The following DDR1 variants were observed in gnomAD, a reference collection of about 807,000 sequenced individuals.
The protein encoded by DDR1 is epithelial discoidin domain-containing receptor 1.
DDR1 carries 64 observed loss-of-function variants against 97.4 expected under a neutral mutation model. That is an observed-to-expected ratio of 0.66 (90% CI 0.54 to 0.81). The LOEUF is 0.81. Among genes scored for constraint, DDR1 ranks in the 30% least tolerant of loss-of-function variants. DDR1 has a pLI of 0.00. For synonymous variants in DDR1, 458 were observed against 503.7 expected, an observed-to-expected ratio of 0.91 and a Z score of 1.21; for missense variants, 990 against 1,259.6, an observed-to-expected ratio of 0.79 and a Z score of 3.24.
rs1791558547 is a variant in DDR1 at position 30,897,999 on chromosome 6, T to C, written c.2217-74T>C. 2.5e-6 allele frequency: 3 copies of C among 1,196,378 alleles called. No individual in the cohort carries two copies. The highest frequency in any genetic ancestry group is 3.6e-6 in the Non-Finnish European group (3 of 822,986). The allele number at this position is 1,196,378 out of a possible 1,614,324, so 74.1% of individuals were successfully genotyped here. ...AGCCAGAGTGACCGGGCCCGGGGAG[T>C]GGGCTCTCTCTCCTCTCCTGGATGG... On this transcript the variant is annotated intron_variant, in intron 15 of 17. Coordinates refer to ENST00000376568, the MANE Select transcript of DDR1 (RefSeq NM_001297654.2). This position sits in a 1 kb window ranked among gnomAD's most constrained non-coding sequence, Gnocchi z 5.2.
At chr6:30,892,941 T>C in intron 8 of DDR1, 127 bp from the exon 9 acceptor site, 1 of 816,870 alleles carries the variant, frequency 1.2e-6, no homozygotes, top group Admixed American at 2.5e-5. Flanking sequence ...CAGCCCCCAC[T>C]GGTCAGTGGT....
rs976566969 is a variant in DDR1, at chr6:30,898,978, C to T, written c.2542C>T (p.Leu848Phe). Reference protein sequence around the residue: ...MLCRAQPFGQLTDEQVIENAG... With the variant: ...MLCRAQPFGQFTDEQVIENAG... ...CTGTAGGGCCCAGCCCTTTGGGCAG[C>T]TCACCGACGAGCAGGTCATCGAGAA... Residue 848 changes from leucine to phenylalanine, a missense_variant, in exon 17 of 18, where the codon CTC (leucine) becomes TTC (phenylalanine). By Grantham distance (22) the Leu-to-Phe change is conservative (BLOSUM62 0). Transcript: ENST00000376568. 6.2e-7 allele frequency: 1 copy of T among 1,614,170 alleles called. No individual in the cohort carries two copies. The highest frequency in any genetic ancestry group is 1.1e-5 in the South Asian group (1 of 91,084).
intron 12 of DDR1, 70 bp from the exon 13 acceptor site, chr6:30,896,551 G>A (rs1790834057): frequency 2.6e-6 from 4 of 1,538,036 alleles, no homozygotes; most frequent in East Asian, 4.6e-5. Context: ...GGAGGCTGAG[G>A]TGTGGGGAAC....
At position 30,889,582 on chromosome 6, in the gene DDR1, C is replaced by T. The variant is rs1787251445; in HGVS notation, c.417+152C>T. On this transcript the variant is annotated intron_variant, in intron 4 of 17. Transcript: ENST00000376568. This position sits in a 1 kb window ranked among gnomAD's most constrained non-coding sequence, Gnocchi z 4.9. Reference sequence around the variant, plus strand: ...GCTCCAAACAATATTGTAAACCTGGCCACCTTTTGGATTTCTCCACTTAGA... The same window carrying T: ...GCTCCAAACAATATTGTAAACCTGGTCACCTTTTGGATTTCTCCACTTAGA... 4 of 562,898 alleles carry T rather than the reference C, an allele frequency of 7.1e-6. No individual in the cohort carries two copies. Among genetic ancestry groups the T allele is most frequent in the Admixed American group, 7.4e-5 (2 of 26,852 alleles). 34.9% of individuals were successfully genotyped at this position (562,898 alleles called of 1,614,324 possible).
At position 30,895,419 on chromosome 6, in the gene DDR1, A is replaced by G. The variant is rs200617695; in HGVS notation, c.1529A>G (p.Asn510Ser). The G allele has an allele frequency of 8.9e-5, 144 of 1,609,550 alleles. No individual in the cohort carries two copies. Among genetic ancestry groups the G allele is most frequent in the Middle Eastern group, 1.7e-4 (1 of 6,054 alleles). ...CTCCCGACAGCGTTGCTGCTCTCCA[A>G]TCCAGCCTACCGCCTCCTTCTGGCC... ...VPNGSALLLS[N>S]PAYRLLLATY... Residue 510 changes from asparagine to serine, a missense_variant, in exon 12 of 18, where the codon AAT becomes AGT. Transcript: ENST00000376568.
intron 16 of DDR1, 50 bp downstream of exon 16, chr6:30,898,357 C>A (rs759825784): frequency 1.3e-4 from 172 of 1,346,194 alleles, no homozygotes; most frequent in South Asian, 2.8e-4. Flanking sequence ...TGGGAGAACA[C>A]TGGCCGCCAC....
chr6:30,885,455 C>A, intron 1 of DDR1: 2 of 858,250 alleles, frequency 2.3e-6, no homozygotes, highest in Non-Finnish European at 3.5e-6. Flanking sequence ...TCCCACCCAG[C>A]GCCCACCTGT....
rs371228785 is a variant in DDR1, at chr6:30,899,185, G to C, written c.2631G>C (p.Pro877=). ...QVYLSRPPAC[P]QGLYELMLRC... is the part of the protein sequence containing the mutation. The stretch of plus-strand genomic sequence containing the variant: ...ACCTGTCCCGGCCGCCTGCCTGCCC[G>C]CAGGGCCTATATGAGCTGATGCTTC... Residue 877 remains proline (P), a synonymous_variant, in exon 18 of 18, where the codon CCG becomes CCC. Coordinates refer to ENST00000376568, the MANE Select transcript of DDR1 (RefSeq NM_001297654.2). The C allele has an allele frequency of 6.2e-7, 1 of 1,614,232 alleles. No homozygotes were observed. The highest frequency in any genetic ancestry group is 8.5e-7 in the Non-Finnish European group (1 of 1,180,038).
chr6:30,883,690 T>TC (rs1784701205), upstream of DDR1: 1 of 151,862 alleles, frequency 6.6e-6, no homozygotes, highest in South Asian at 2.1e-4. This position sits in a 1 kb window ranked among gnomAD's most constrained non-coding sequence, Gnocchi z 4.9. Context: ...GACTCCTGAG[T>TC]CCCCCTCCCA....
chr6:30,886,232 C>G lies in DDR1; in HGVS notation c.-43+1522C>G, dbSNP rs778116062. On this transcript the variant is annotated intron_variant, in intron 1 of 17. Coordinates refer to ENST00000376568, the MANE Select transcript of DDR1 (RefSeq NM_001297654.2). This position sits in a 1 kb window ranked among gnomAD's most constrained non-coding sequence, Gnocchi z 4.6. ...CTTTGTATCTCTGCCCCGGGCTCCT[C>G]TCGGCTCTGTGTGGCTCTGATGACT... Among the ~76,000 whole-genome samples, 46 of 152,234 alleles carry G rather than the reference C, an allele frequency of 3.0e-4. No individual in the cohort carries two copies. The highest frequency in any genetic ancestry group is 8.3e-4 in the South Asian group (4 of 4,818).
intron 8 of DDR1, 47 bp from the exon 9 acceptor site, chr6:30,893,021 C>T: frequency 6.6e-7 from 1 of 1,524,464 alleles, no homozygotes; most frequent in Non-Finnish European, 9.0e-7. Flanking sequence ...TCCCTTGGGT[C>T]TCCTCCTCAT....
chr6:30,883,805 G>C (rs1331106109), upstream of DDR1: 2 of 152,662 alleles, frequency 1.3e-5, no homozygotes, highest in African/African-American at 4.8e-5. The surrounding 1 kb of genome is among the most constrained non-coding windows in gnomAD (Gnocchi z 4.9). Context: ...AAGGAGAAGA[G>C]AGTGGGCCCG....
rs757545695 is a variant in DDR1, at chr6:30,900,113, C to G, written c.*817C>G. The G allele has an allele frequency of 1.9e-5, 11 of 593,986 alleles. No individual in the cohort carries two copies. Among genetic ancestry groups the G allele is most frequent in the South Asian group, 1.4e-4 (10 of 71,810 alleles). The allele number at this position is 593,986 out of a possible 1,614,324, so 36.8% of individuals were successfully genotyped here. On this transcript the variant is annotated 3_prime_UTR_variant, in exon 18 of 18. Coordinates refer to ENST00000376568, the MANE Select transcript of DDR1 (RefSeq NM_001297654.2). ...GGACCTAGCTTGAGGCAATTTTAAT[C>G]CCCTGCACTAGGCAGGTAATAATAA...
At chr6:30,895,552 A>G (rs754011354) in intron 12 of DDR1, 38 bp downstream of exon 12, 2 of 1,341,712 alleles carry the variant, frequency 1.5e-6, no homozygotes, top group Admixed American at 1.9e-5. Context: ...CAGGCTCCCC[A>G]TACCTCTACT....
chr6:30,897,017 C>T lies in DDR1; in HGVS notation c.1873C>T (p.His625Tyr). The change falls in exon 14 of 18, where the codon CAC becomes TAC. Residue 625 changes from histidine (H) to tyrosine (Y), a missense_variant. Transcript: ENST00000376568. This position sits in a 1 kb window ranked among gnomAD's most constrained non-coding sequence, Gnocchi z 5.2. ...GCAAACGAACTTCTTTCTCCAGGTGCACCTGTGTGAGGTCGACAGCCCTCA... is the reference window on the plus strand; with the variant it reads ...GCAAACGAACTTCTTTCTCCAGGTGTACCTGTGTGAGGTCGACAGCCCTCA... ...KLGEGQFGEV[H>Y]LCEVDSPQDL... The T allele has an allele frequency of 6.2e-7, 1 of 1,610,840 alleles. No homozygotes were observed. Among genetic ancestry groups the T allele is most frequent in the Non-Finnish European group, 8.5e-7 (1 of 1,177,910 alleles).
Position 30,897,064 on chromosome 6 carries a change from C to T in DDR1, c.1920C>T (p.Phe640=). 1.2e-6 allele frequency: 2 copies of T among 1,613,798 alleles called. No individual in the cohort carries two copies. Among genetic ancestry groups the T allele is most frequent in the Non-Finnish European group, 1.7e-6 (2 of 1,179,866 alleles). The change falls in exon 14 of 18, where the codon TTC becomes TTT. Residue 640 remains phenylalanine, a synonymous_variant. Transcript: ENST00000376568. This position sits in a 1 kb window ranked among gnomAD's most constrained non-coding sequence, Gnocchi z 5.2. ...CTCAAGATCTGGTTAGTCTTGATTTCCCCCTTAATGTGCGTAAGGGACACC... is the reference window on the plus strand; with the variant it reads ...CTCAAGATCTGGTTAGTCTTGATTTTCCCCTTAATGTGCGTAAGGGACACC... ...DSPQDLVSLD[F]PLNVRKGHPL... is the part of the protein sequence containing the mutation.
Position 30,893,300 on chromosome 6 carries a change from G to A in DDR1, c.1224G>A (p.Val408=). 3 of 1,605,872 alleles carry A rather than the reference G, an allele frequency of 1.9e-6. No individual in the cohort carries two copies. Among genetic ancestry groups the A allele is most frequent in the East Asian group, 2.2e-5 (1 of 44,878 alleles). ...TGGAGCCCAGAGGCCAGCAGCCCGTGGCCAAGGCCGAGGGGAGCCCGACCG... is the reference window on the plus strand; with the variant it reads ...TGGAGCCCAGAGGCCAGCAGCCCGTAGCCAAGGCCGAGGGGAGCCCGACCG... The part of the protein sequence containing the change: ...LELEPRGQQP[V]AKAEGSPTAI... Residue 408 remains valine, a synonymous_variant, in exon 10 of 18, where the codon GTG becomes GTA. Transcript: ENST00000376568.
At position 30,899,457 on chromosome 6, in the gene DDR1, C is replaced by A; in HGVS notation, c.*161C>A. 1.2e-6 allele frequency: 1 copy of A among 813,184 alleles called. No individual in the cohort carries two copies. The highest frequency in any genetic ancestry group is 1.9e-6 in the Non-Finnish European group (1 of 534,436). 50.4% of individuals were successfully genotyped at this position (813,184 alleles called of 1,614,324 possible). ...AGGTGGGCTGGGCCCACCCAGGGAG[C>A]TGATGCCCCTTCTCCCCTTCCTGGA... On this transcript the variant is annotated 3_prime_UTR_variant, in exon 18 of 18. Coordinates refer to ENST00000376568, the MANE Select transcript of DDR1 (RefSeq NM_001297654.2).
Position 30,890,856 on chromosome 6 carries a change from C to A in DDR1, c.418-117C>A. 4.5e-6 allele frequency: 5 copies of A among 1,120,434 alleles called. No individual in the cohort carries two copies. The highest frequency in any genetic ancestry group is 6.2e-6 in the Non-Finnish European group (5 of 806,832). The allele number at this position is 1,120,434 out of a possible 1,614,324, so 69.4% of individuals were successfully genotyped here. A position where few individuals can be genotyped will look rare whatever the true frequency, so the allele number is the denominator to read the frequency against. ...CCCCACAGTGCTGTGTGCTCGGTGC[C>A]ACCCCTCATGGGTCTCTAAGTGGCC... On this transcript the variant is annotated intron_variant, in intron 4 of 17. Coordinates refer to ENST00000376568, the MANE Select transcript of DDR1 (RefSeq NM_001297654.2). The surrounding 1 kb of genome is among the most constrained non-coding windows in gnomAD (Gnocchi z 5.0).
Sources: allele counts gnomAD v4.1 joint callset (sites outside exome capture counted in the v4.1 genomes callset), GRCh38; gene constraint gnomAD v4.1.1; non-coding constraint Gnocchi (gnomAD v3.1); transcripts MANE v1.5; gene names NCBI Gene and HGNC (gene_info 2026-07-23, HGNC 2026-07-21).